The following ITGB6 variants were observed in gnomAD, a reference collection of about 807,000 sequenced individuals.
The protein encoded by ITGB6 is integrin subunit beta 6.
In ITGB6, 80 loss-of-function variants were observed where a neutral mutation model predicts 84.5. The observed-to-expected ratio is 0.95, with a 90% confidence interval of 0.79 to 1.14. The LOEUF is 1.14. Among genes scored for constraint, ITGB6 ranks in the 50% most tolerant of loss-of-function variants. The probability of loss-of-function intolerance (pLI) is 0.00; values close to 1 mark genes in which losing one functional copy is unlikely to be tolerated. For missense variants in ITGB6, 1,006 were observed against 968.0 expected (o/e 1.04, Z -0.52); for synonymous variants, 383 against 354.9 (o/e 1.08, Z -0.89).
intron 4 of ITGB6, among the ~76,000 whole-genome samples, chr2:160,189,896 C>T (rs1425520256): frequency 6.6e-6 from 1 of 152,138 alleles, no homozygotes; most frequent in Non-Finnish European, 1.5e-5. Context: ...TATAAAGACA[C>T]ATGCACACAT....
At chr2:160,154,273 G>A (rs2105843069) in intron 7 of ITGB6, among the ~76,000 whole-genome samples, 1 of 152,322 alleles carries the variant, frequency 6.6e-6, no homozygotes, top group Admixed American at 6.5e-5. Flanking sequence ...ATGAGTTCAT[G>A]TCCTTTTTAG....
rs1696721885 is a variant in ITGB6, at chr2:160,101,622, G to A, written c.*114C>T. Reference sequence around the variant, plus strand: ...TGTAGAGGATGACTTATCTGCAGATGTCCTATTATTATCTTAAACCAACCT... The same window carrying A: ...TGTAGAGGATGACTTATCTGCAGATATCCTATTATTATCTTAAACCAACCT... On this transcript the variant is annotated 3_prime_UTR_variant, in exon 15 of 15. Coordinates refer to ENST00000283249, the MANE Select transcript of ITGB6 (RefSeq NM_000888.5). The A allele has an allele frequency of 1.4e-6, 1 of 690,570 alleles. No individual in the cohort carries two copies. The highest frequency in any genetic ancestry group is 1.8e-5 in the African/African-American group (1 of 55,166). 42.8% of individuals were successfully genotyped at this position (690,570 alleles called of 1,614,324 possible). A position where few individuals can be genotyped will look rare whatever the true frequency, so the allele number is the denominator to read the frequency against.
chr2:160,145,542 C>T (rs567373400), intron 7 of ITGB6, among the ~76,000 whole-genome samples: 9 of 152,220 alleles, frequency 5.9e-5, no homozygotes, highest in South Asian at 2.1e-4. Flanking sequence ...CATAAGAAAC[C>T]GACAGAGAGC....
At chr2:160,176,151 C>T (rs1321354967) in intron 4 of ITGB6, among the ~76,000 whole-genome samples, 2 of 152,194 alleles carry the variant, frequency 1.3e-5, no homozygotes, top group African/African-American at 4.8e-5. Flanking sequence ...CCCAATATGT[C>T]CCAAGACGAC....
chr2:160,108,016 G>A (rs139742983), intron 13 of ITGB6, among the ~76,000 whole-genome samples, 171 bp from the exon 14 acceptor site: 11 of 152,150 alleles, frequency 7.2e-5, no homozygotes, highest in African/African-American at 2.7e-4. Context: ...GAATAGCCCT[G>A]CATTCCTCAA....
chr2:160,152,002 G>A (rs1267466339), intron 7 of ITGB6, among the ~76,000 whole-genome samples: 1 of 152,080 alleles, frequency 6.6e-6, no homozygotes, highest in East Asian at 1.9e-4. Flanking sequence ...ATTCACAGCC[G>A]AATTCTAACA....
chr2:160,114,044 T>G (rs1682652551), intron 12 of ITGB6, among the ~76,000 whole-genome samples: 1 of 152,220 alleles, frequency 6.6e-6, no homozygotes, highest in African/African-American at 2.4e-5. Context: ...ATCATACTCC[T>G]TTCAGTAATA....
chr2:160,128,682 G>A (rs1174161311), intron 10 of ITGB6, among the ~76,000 whole-genome samples: 1 of 152,118 alleles, frequency 6.6e-6, no homozygotes, highest in Non-Finnish European at 1.5e-5. Context: ...CAGAGGGATG[G>A]AATTCTCCCC....
chr2:160,127,095 T>C (rs1403496204), intron 10 of ITGB6, among the ~76,000 whole-genome samples: 5 of 152,220 alleles, frequency 3.3e-5, no homozygotes, highest in Non-Finnish European at 5.9e-5. Flanking sequence ...ACATGATAGA[T>C]AGCAGGTCCT....
In ITGB6 at chr2:160,199,074, C is replaced by T. The variant is rs1314327100; in HGVS notation, c.141+105G>A. 1.2e-5 allele frequency: 10 copies of T among 868,566 alleles called. No homozygotes were observed. The East Asian group carries it at 1.5e-4, about 13-fold the overall frequency. 53.8% of individuals were successfully genotyped at this position (868,566 alleles called of 1,614,324 possible). A position where few individuals can be genotyped will look rare whatever the true frequency, so the allele number is the denominator to read the frequency against. On this transcript the variant is annotated intron_variant, in intron 2 of 14. Transcript: ENST00000283249. Reference sequence around the variant, plus strand: ...CCTTTCCTGATTTGTTTTACTTATACAACTCCACAAAAAAGCAAGTCACTA... The same window carrying T: ...CCTTTCCTGATTTGTTTTACTTATATAACTCCACAAAAAAGCAAGTCACTA...
rs537329108 is a variant in ITGB6 at position 160,192,244 on chromosome 2, G to C, written c.593+3125C>G. Among the ~76,000 whole-genome samples the C allele has an allele frequency of 2.6e-5, 4 of 152,256 alleles. No homozygotes were observed. In the South Asian group the frequency reaches 6.2e-4, roughly 24 times the overall value. The stretch of plus-strand genomic sequence containing the variant: ...TTTATAAAGCTCTGTAAGGGGGGTA[G>C]TGAGGCATTAGTGGTTACATGGGTA... On this transcript the variant is annotated intron_variant, in intron 4 of 14. Transcript: ENST00000283249.
At chr2:160,178,679 T>G (rs370300747) in intron 4 of ITGB6, among the ~76,000 whole-genome samples, 14 of 113,786 alleles carry the variant, frequency 1.2e-4, no homozygotes, top group African/African-American at 3.7e-4. Flanking sequence ...TTTCTCTCTC[T>G]CTCTCTCTCT....
intron 12 of ITGB6, among the ~76,000 whole-genome samples, chr2:160,115,805 A>G (rs1238460855): frequency 2.0e-5 from 3 of 152,252 alleles, no homozygotes; most frequent in African/African-American, 7.2e-5. Flanking sequence ...ATCAACGCAG[A>G]GAAGTCCTTA....
At chr2:160,102,442 A>G (rs1461998490) in intron 14 of ITGB6, among the ~76,000 whole-genome samples, 1 of 152,210 alleles carries the variant, frequency 6.6e-6, no homozygotes, top group Non-Finnish European at 1.5e-5. Context: ...GGGTAGCCAA[A>G]GAACCAGCTG....
rs185468147 is a variant in ITGB6, at chr2:160,157,549, A to G, written c.1017+11663T>C. Among the ~76,000 whole-genome samples, 1,341 of 152,306 alleles carry G rather than the reference A, an allele frequency of 8.8e-3. 14 individuals carry two copies. Among genetic ancestry groups the G allele is most frequent in the South Asian group, 0.026 (126 of 4,820 alleles). On this transcript the variant is annotated intron_variant, in intron 7 of 14. Transcript: ENST00000283249. ...ATCTTATTAGAAATTTAAGATAATA[A>G]TGCTGTATATATACACATGCCTATG...
At chr2:160,184,464 T>A (rs1238351036) in intron 4 of ITGB6, among the ~76,000 whole-genome samples, 1 of 152,032 alleles carries the variant, frequency 6.6e-6, no homozygotes, top group Non-Finnish European at 1.5e-5. Flanking sequence ...TAATAACAAG[T>A]TCTGAAATTG....
At chr2:160,110,105 G>A (rs748770108) in intron 13 of ITGB6, among the ~76,000 whole-genome samples, 1 of 152,144 alleles carries the variant, frequency 6.6e-6, no homozygotes, top group Non-Finnish European at 1.5e-5. Flanking sequence ...TTGTGATTCA[G>A]ATAGTTATGA....
chr2:160,126,691 GC>G lies in ITGB6; in HGVS notation c.1661-91del. ...GGGCATCTTTTCTCTTTGTCTTTAA[GC>G]ACCGTCATCAAAAGACAAGAAAAAA... On this transcript the variant is annotated intron_variant, in intron 10 of 14. Coordinates refer to ENST00000283249, the MANE Select transcript of ITGB6 (RefSeq NM_000888.5). The G allele has an allele frequency of 2.2e-5, 27 of 1,229,860 alleles. 1 individual carries two copies. In the South Asian group the frequency reaches 3.7e-4, roughly 17 times the overall value. The allele number at this position is 1,229,860 out of a possible 1,614,324, so 76.2% of individuals were successfully genotyped here.
intron 4 of ITGB6, among the ~76,000 whole-genome samples, chr2:160,183,117 G>A (rs1283536905): frequency 1.3e-5 from 2 of 152,244 alleles, no homozygotes; most frequent in East Asian, 3.9e-4. Context: ...GAATCACAAT[G>A]GTAGGATCAG....
Sources: allele counts gnomAD v4.1 joint callset (sites outside exome capture counted in the v4.1 genomes callset), GRCh38; gene constraint gnomAD v4.1.1; transcripts MANE v1.5; gene names NCBI Gene and HGNC (gene_info 2026-07-23, HGNC 2026-07-21).